The following HTR7 variants were observed in gnomAD, a reference collection of about 807,000 sequenced individuals.
HTR7 encodes 5-hydroxytryptamine receptor 7, also known as 5-HT-7.
Under a neutral mutation model 34.0 loss-of-function variants are expected in HTR7, and 16 were observed. That is an observed-to-expected ratio of 0.47 (90% CI 0.32 to 0.71). HTR7 has a LOEUF of 0.71. Ranked by LOEUF, HTR7 falls within the 30% of genes least tolerant of loss-of-function variation. The pLI is 0.04. For synonymous variants in HTR7, 265 were observed against 260.2 expected, an observed-to-expected ratio of 1.02 and a Z score of -0.18; for missense variants, 504 against 625.5, an observed-to-expected ratio of 0.81 and a Z score of 2.07.
At chr10:90,764,566 G>A (rs921306793) in intron 1 of HTR7, among the ~76,000 whole-genome samples, 6 of 151,750 alleles carry the variant, frequency 4.0e-5, no homozygotes, top group African/African-American at 7.3e-5. Context: ...TTTTTTCAGT[G>A]GAGTCTTTAG....
chr10:90,742,963 C>A (rs912825603), intron 3 of HTR7, among the ~76,000 whole-genome samples: 10 of 152,040 alleles, frequency 6.6e-5, no homozygotes, highest in African/African-American at 1.9e-4. Flanking sequence ...GACCAAGAAA[C>A]TTCACTTCTC....
rs563194789 is a variant in HTR7, at chr10:90,858,010, CG to C, written c.-340del. Reference sequence around the variant, plus strand: ...GCAGCTCGGCTGCGCCGAGAGCGCCCGGGCGGCAGCGGCAGAAGTTGCGGAG... The same window carrying C: ...GCAGCTCGGCTGCGCCGAGAGCGCCCGGCGGCAGCGGCAGAAGTTGCGGAG... On this transcript the variant is annotated 5_prime_UTR_variant, in exon 1 of 4. Transcript: ENST00000336152. 2.5e-3 allele frequency among the ~76,000 whole-genome samples: 375 copies of C among 149,832 alleles called. 2 individuals are homozygous for C. The highest frequency in any genetic ancestry group is 9.0e-3 in the African/African-American group (370 of 41,206).
chr10:90,777,437 CG>C (rs201422207), intron 1 of HTR7, among the ~76,000 whole-genome samples: 3,557 of 147,846 alleles, frequency 0.024, 143 homozygotes, highest in African/African-American at 0.081. Flanking sequence ...GCCAAGATGA[CG>C]CCACTGCACT....
intron 1 of HTR7, among the ~76,000 whole-genome samples, chr10:90,818,763 C>G (rs1172096044): frequency 2.0e-5 from 3 of 152,082 alleles, no homozygotes; most frequent in Non-Finnish European, 4.4e-5. Context: ...ATTTGTGTTC[C>G]CACCCAAATC....
At chr10:90,812,245 C>T (rs1165345614) in intron 1 of HTR7, among the ~76,000 whole-genome samples, 1 of 152,136 alleles carries the variant, frequency 6.6e-6, no homozygotes, top group East Asian at 1.9e-4. Flanking sequence ...AACTTGTCAT[C>T]CCTACTATCT....
chr10:90,771,531 C>T (rs1845111778), intron 1 of HTR7, among the ~76,000 whole-genome samples: 1 of 152,210 alleles, frequency 6.6e-6, no homozygotes, highest in Non-Finnish European at 1.5e-5. Flanking sequence ...TGTCCTCAAG[C>T]TTCTGGGTGC....
At chr10:90,813,230 T>C (rs965625542) in intron 1 of HTR7, among the ~76,000 whole-genome samples, 1 of 152,208 alleles carries the variant, frequency 6.6e-6, no homozygotes, top group Non-Finnish European at 1.5e-5. Context: ...AAAGCCTGTT[T>C]GGTGGTCTCT....
Position 90,814,114 on chromosome 10 carries a change from A to C in HTR7, c.539+43019T>G, listed in dbSNP as rs543807535. On this transcript the variant is annotated intron_variant, in intron 1 of 3. Coordinates refer to ENST00000336152, the MANE Select transcript of HTR7 (RefSeq NM_019859.4). The stretch of plus-strand genomic sequence containing the variant: ...TTGATTTCCTTGGCATGAGATGACA[A>C]ACCTCAGGTATTTACTCCAGACAAT... Among the ~76,000 whole-genome samples the C allele has an allele frequency of 3.9e-5, 6 of 152,280 alleles. No homozygotes were observed. The South Asian group carries it at 6.2e-4, about 16-fold the overall frequency.
intron 1 of HTR7, among the ~76,000 whole-genome samples, chr10:90,775,295 G>T (rs1276720428): frequency 6.6e-6 from 1 of 152,200 alleles, no homozygotes; most frequent in African/African-American, 2.4e-5. Context: ...GGTGATTTCA[G>T]GCCGTGCTCG....
chr10:90,835,431 A>G (rs1235015635), intron 1 of HTR7, among the ~76,000 whole-genome samples: 1 of 152,224 alleles, frequency 6.6e-6, no homozygotes, highest in Non-Finnish European at 1.5e-5. Context: ...GTCTCCACTT[A>G]GGGAAGAAAA....
chr10:90,803,861 T>C (rs1481127483), intron 1 of HTR7, among the ~76,000 whole-genome samples: 3 of 152,176 alleles, frequency 2.0e-5, no homozygotes, highest in Non-Finnish European at 2.9e-5. Context: ...GCAGAGTCCC[T>C]GGCAAGGGTT....
chr10:90,784,272 C>T (rs1011538260), intron 1 of HTR7, among the ~76,000 whole-genome samples: 2 of 152,106 alleles, frequency 1.3e-5, no homozygotes, highest in Non-Finnish European at 1.5e-5. Flanking sequence ...TGCTAAATAC[C>T]TCTGTGTTCT....
At chr10:90,761,902 G>C (rs116592790) in intron 1 of HTR7, among the ~76,000 whole-genome samples, 1,833 of 152,140 alleles carry the variant, frequency 0.012, 29 homozygotes, top group African/African-American at 0.038. Flanking sequence ...TTCTCTATCT[G>C]ACTTATTTCA....
intron 1 of HTR7, among the ~76,000 whole-genome samples, chr10:90,834,633 C>A (rs1046072639): frequency 6.6e-6 from 1 of 152,034 alleles, no homozygotes; most frequent in Non-Finnish European, 1.5e-5. Flanking sequence ...ACTTGACTGG[C>A]GACTGGCAGC....
chr10:90,743,898 C>T (rs17099386), intron 2 of HTR7: 1 of 691,246 alleles, frequency 1.4e-6, no homozygotes, highest in Non-Finnish European at 2.7e-6. Flanking sequence ...CACTTCATTA[C>T]CCCAGGGAAA....
intron 1 of HTR7, among the ~76,000 whole-genome samples, chr10:90,855,882 C>T (rs1846571457): frequency 6.6e-6 from 1 of 152,146 alleles, no homozygotes; most frequent in Non-Finnish European, 1.5e-5. Flanking sequence ...TGTTTTTCTT[C>T]TTGAAAATAT....
chr10:90,804,567 G>A (rs1360143252), intron 1 of HTR7, among the ~76,000 whole-genome samples: 1 of 152,106 alleles, frequency 6.6e-6, no homozygotes, highest in Non-Finnish European at 1.5e-5. Context: ...GAGCTCAGCA[G>A]CTGAGCAAAA....
chr10:90,795,244 T>C (rs1464036955), intron 1 of HTR7, among the ~76,000 whole-genome samples: 3 of 152,194 alleles, frequency 2.0e-5, no homozygotes, highest in Non-Finnish European at 4.4e-5. Context: ...CTTTTTTCCA[T>C]AATAACTGTA....
intron 1 of HTR7, among the ~76,000 whole-genome samples, chr10:90,756,591 A>G (rs1239991598): frequency 1.3e-5 from 2 of 152,146 alleles, no homozygotes; most frequent in Non-Finnish European, 2.9e-5. Flanking sequence ...GAGAGGGGGG[A>G]AGAAAGCAAC....
Sources: allele counts gnomAD v4.1 joint callset (sites outside exome capture counted in the v4.1 genomes callset), GRCh38; gene constraint gnomAD v4.1.1; transcripts MANE v1.5; gene names NCBI Gene and HGNC (gene_info 2026-07-23, HGNC 2026-07-21).